PCDHA2: variants seen among roughly 807,000 people sequenced by gnomAD.
PCDHA2 encodes protocadherin alpha 2.
Under a neutral mutation model 66.0 loss-of-function variants are expected in PCDHA2, and 58 were observed. That is an observed-to-expected ratio of 0.88 (90% CI 0.71 to 1.09). PCDHA2 has a LOEUF of 1.09. PCDHA2 is among the 50% of genes least tolerant of loss of function. The pLI is 0.00. For synonymous variants in PCDHA2, 634 were observed against 554.0 expected, an observed-to-expected ratio of 1.14 and a Z score of -2.03; for missense variants, 1,267 against 1,242.3, an observed-to-expected ratio of 1.02 and a Z score of -0.30.
chr5:140,994,272 C>G (rs1400320599), intron 3 of PCDHA2, among the ~76,000 whole-genome samples: 1 of 152,168 alleles, frequency 6.6e-6, no homozygotes, highest in Non-Finnish European at 1.5e-5. Context: ...GCTAGGCTGC[C>G]TTTCTTGAGA....
intron 1 of PCDHA2, chr5:140,803,177 C>A (rs144811750): frequency 3.1e-6 from 5 of 1,613,890 alleles, no homozygotes; most frequent in Non-Finnish European, 4.2e-6. Flanking sequence ...CCTCATTGAC[C>A]GCCACGGCCA....
chr5:140,815,981 G>A (rs150888625), intron 1 of PCDHA2: 1 of 152,124 alleles, frequency 6.6e-6, no homozygotes, highest in Non-Finnish European at 1.5e-5. Flanking sequence ...ACGTGATGAG[G>A]CATTTTTCTT....
At chr5:140,870,777 C>G in intron 1 of PCDHA2, 3 of 1,613,612 alleles carry the variant, frequency 1.9e-6, no homozygotes, top group East Asian at 4.5e-5. Context: ...TGGACGAGAA[C>G]GACAACGCGC....
At chr5:140,814,663 CAT>C (rs1409985275) in intron 1 of PCDHA2, 3 of 151,344 alleles carry the variant, frequency 2.0e-5, no homozygotes, top group African/African-American at 7.4e-5. Context: ...TCACCACAAA[CAT>C]GTGAGTAATG....
chr5:140,944,582 C>T (rs1273246926), intron 1 of PCDHA2, among the ~76,000 whole-genome samples: 1 of 152,146 alleles, frequency 6.6e-6, no homozygotes, highest in Non-Finnish European at 1.5e-5. Flanking sequence ...GAGATCACTT[C>T]AGAATTTCCC....
intron 1 of PCDHA2, chr5:140,871,305 G>A (rs782666863): frequency 3.7e-6 from 6 of 1,613,874 alleles, no homozygotes; most frequent in African/African-American, 1.3e-5. Context: ...GCGCGCCGGG[G>A]AAGCCCACGC....
chr5:141,009,955 A>G lies in PCDHA2; in HGVS notation c.*18A>G, dbSNP rs782282264. 6.3e-7 allele frequency: 1 copy of G among 1,592,418 alleles called. No individual in the cohort carries two copies. Among genetic ancestry groups the G allele is most frequent in the African/African-American group, 1.4e-5 (1 of 73,350 alleles). ...ACCAGTGAGGTCCTCAAATGGAAAC[A>G]AGCCACTTAGCCAGTTTTTGTAATA... On this transcript the variant is annotated 3_prime_UTR_variant, in exon 4 of 4. Transcript: ENST00000526136.
At chr5:140,877,103 C>T (rs782607272) in intron 1 of PCDHA2, 7 of 1,613,552 alleles carry the variant, frequency 4.3e-6, no homozygotes, top group Non-Finnish European at 5.9e-6. Flanking sequence ...GGCGTGCCGC[C>T]TCTGGGCAGC....
chr5:140,964,556 G>A (rs2095839745), intron 1 of PCDHA2, among the ~76,000 whole-genome samples: 1 of 152,166 alleles, frequency 6.6e-6, no homozygotes. Context: ...GCGACTTGGA[G>A]GGCTGGGAGG....
At chr5:140,877,048 G>T (rs376952553) in intron 1 of PCDHA2, 1 of 1,612,676 alleles carries the variant, frequency 6.2e-7, no homozygotes, top group Non-Finnish European at 8.5e-7. Flanking sequence ...GCTAGACCAC[G>T]AGGAGCTGGA....
chr5:140,856,338 G>T lies in PCDHA2; in HGVS notation c.2388+58986G>T, dbSNP rs781903292. The T allele has an allele frequency of 3.9e-5, 62 of 1,598,498 alleles. 11 individuals are homozygous for T. In the Admixed American group the frequency reaches 1.0e-3, roughly 27 times the overall value. On this transcript the variant is annotated intron_variant, in intron 1 of 3. Coordinates refer to ENST00000526136, the MANE Select transcript of PCDHA2 (RefSeq NM_018905.3). ...ATTGACCGCGAGGAGCTGTGCGGGC[G>T]GAGCGTGGAGTGCAGCATCCACCTG...
chr5:140,902,734 C>T (rs1345954248), intron 1 of PCDHA2, among the ~76,000 whole-genome samples: 1 of 151,052 alleles, frequency 6.6e-6, no homozygotes, highest in Non-Finnish European at 1.5e-5. Flanking sequence ...CCCTCCAAGT[C>T]CCCCAAATCC....
chr5:140,832,690 A>G (rs1294300661), intron 1 of PCDHA2, among the ~76,000 whole-genome samples: 2 of 152,206 alleles, frequency 1.3e-5, no homozygotes, highest in East Asian at 3.8e-4. Context: ...AATTAACAAG[A>G]CCTGGCTTCA....
chr5:140,879,064 G>C (rs1389510074), intron 1 of PCDHA2, among the ~76,000 whole-genome samples: 1 of 152,214 alleles, frequency 6.6e-6, no homozygotes, highest in South Asian at 2.1e-4. Flanking sequence ...TACCAAGAAA[G>C]TGTTAAGAGA....
intron 1 of PCDHA2, chr5:140,808,452 A>AGC (rs1272245501): frequency 6.2e-7 from 1 of 1,614,076 alleles, no homozygotes; most frequent in Non-Finnish European, 8.5e-7. Flanking sequence ...TCAGCCTATG[A>AGC]GCTGGTGGTG....
At chr5:140,848,343 C>G (rs1581147757) in intron 1 of PCDHA2, 14 of 898,934 alleles carry the variant, frequency 1.6e-5, no homozygotes, top group Non-Finnish European at 2.1e-5. Context: ...CAGACAAATA[C>G]AGCCCTTTTC....
In PCDHA2 at chr5:140,869,777, C is replaced by A. The variant is rs184691375; in HGVS notation, c.2388+72425C>A. On this transcript the variant is annotated intron_variant, in intron 1 of 3. Transcript: ENST00000526136. ...GGGGGAAAACCAGAGCTTACTGGCA[C>A]CGTTCGGCTGTTAGTCCAAGTCTTG... The A allele has an allele frequency of 1.0e-4, 167 of 1,612,982 alleles. 1 individual carries two copies. The highest frequency in any genetic ancestry group is 6.8e-6 in the Non-Finnish European group (8 of 1,179,600).
chr5:140,882,596 G>C, intron 1 of PCDHA2: 1 of 1,614,248 alleles, frequency 6.2e-7, no homozygotes, highest in Non-Finnish European at 8.5e-7. Context: ...GGAGGTGATC[G>C]TGGACAGGCC....
intron 1 of PCDHA2, among the ~76,000 whole-genome samples, chr5:140,919,974 TAG>T (rs2153555647): frequency 7.5e-6 from 1 of 134,116 alleles, no homozygotes; most frequent in African/African-American, 2.6e-5. Context: ...AAATAAGAGA[TAG>T]AAGATGGAAA....
Sources: gnomAD v4.1 joint callset for allele counts (sites outside exome capture counted in the v4.1 genomes callset) on GRCh38, gnomAD v4.1.1 for gene constraint, MANE v1.5 for transcripts, NCBI Gene and HGNC (gene_info 2026-07-23, HGNC 2026-07-21) for gene names.